Variants in KAZN observed in about 807,000 individuals in gnomAD.
KAZN encodes kazrin, periplakin interacting protein.
KAZN carries 40 observed loss-of-function variants against 87.4 expected under a neutral mutation model. That is an observed-to-expected ratio of 0.46 (90% CI 0.36 to 0.60). The LOEUF (loss-of-function observed/expected upper bound fraction) is 0.60. Ranked by LOEUF, KAZN falls within the 20% of genes least tolerant of loss-of-function variation. The pLI is 0.00. For synonymous variants in KAZN, 466 were observed against 458.3 expected, an observed-to-expected ratio of 1.02 and a Z score of -0.22; for missense variants, 898 against 1,073.9, an observed-to-expected ratio of 0.84 and a Z score of 2.29.
At chr1:14,029,834 A>C (rs1416261271) in intron 1 of KAZN, among the ~76,000 whole-genome samples, 1 of 151,992 alleles carries the variant, frequency 6.6e-6, no homozygotes, top group African/African-American at 2.4e-5. Context: ...ATTGATCTAT[A>C]TCTCTGTTTT....
At chr1:14,165,936 C>CT (rs1645815284) in intron 1 of KAZN, among the ~76,000 whole-genome samples, 1 of 152,164 alleles carries the variant, frequency 6.6e-6, no homozygotes, top group South Asian at 2.1e-4. Flanking sequence ...GTACTGAGTA[C>CT]TTTCCAGCAG....
At chr1:13,945,548 T>A (rs1641108092) in intron 1 of KAZN, among the ~76,000 whole-genome samples, 1 of 151,762 alleles carries the variant, frequency 6.6e-6, no homozygotes, top group Non-Finnish European at 1.5e-5. Context: ...TCTGTGCACT[T>A]TGCTAATATC....
At position 14,359,506 on chromosome 1, in the gene KAZN, A is replaced by G. The variant is rs569050349; in HGVS notation, c.249+178914A>G. On this transcript the variant is annotated intron_variant, in intron 2 of 16. Coordinates refer to the KAZN transcript ENST00000636203. ...ACACTAGCTGGTTATTTTGCCCATTAGTTGATGCAGTTTCTTCCTAGCATC... is the reference window on the plus strand; with the variant it reads ...ACACTAGCTGGTTATTTTGCCCATTGGTTGATGCAGTTTCTTCCTAGCATC... Among the ~76,000 whole-genome samples, 26 of 152,298 alleles carry G rather than the reference A, an allele frequency of 1.7e-4. No homozygotes were observed. In the East Asian group the frequency reaches 4.4e-3, roughly 26 times the overall value.
intron 8 of KAZN, among the ~76,000 whole-genome samples, chr1:15,091,501 C>A (rs115322886): frequency 1.4e-4 from 21 of 152,274 alleles, no homozygotes; most frequent in Admixed American, 1.1e-3. Flanking sequence ...TGTGCTACCA[C>A]GCCCACGCCG....
At chr1:14,539,221 T>C (rs1447230448) in intron 2 of KAZN, among the ~76,000 whole-genome samples, 1 of 152,196 alleles carries the variant, frequency 6.6e-6, no homozygotes, top group African/African-American at 2.4e-5. Context: ...AAGAATTACA[T>C]AAGTCCCATT....
At chr1:14,637,071 C>G (rs1680047186) in intron 1 of KAZN, among the ~76,000 whole-genome samples, 1 of 152,142 alleles carries the variant, frequency 6.6e-6, no homozygotes, top group Non-Finnish European at 1.5e-5. Flanking sequence ...GAGCCCAGGG[C>G]CCCTTTTCTG....
At chr1:13,927,547 C>A (rs1640330690) in intron 1 of KAZN, among the ~76,000 whole-genome samples, 1 of 152,090 alleles carries the variant, frequency 6.6e-6, no homozygotes, top group Non-Finnish European at 1.5e-5. Flanking sequence ...CCCAACTTCA[C>A]TTTTATCCAC....
intron 2 of KAZN, among the ~76,000 whole-genome samples, chr1:14,326,665 T>G (rs1176008597): frequency 6.6e-6 from 1 of 152,186 alleles, no homozygotes; most frequent in Non-Finnish European, 1.5e-5. Flanking sequence ...CTCTCTCCTC[T>G]TTCCACTCCC....
chr1:14,727,450 CTTTTTTTTTTTTTTTTTT>C (rs57203868), intron 1 of KAZN, among the ~76,000 whole-genome samples: 20 of 73,912 alleles, frequency 2.7e-4, no homozygotes, highest in Admixed American at 3.7e-4. Flanking sequence ...TGTGCACTTT[CTTTTTTTTTTTTTTTTTT>C]TTTTTTTTTT....
intron 1 of KAZN, among the ~76,000 whole-genome samples, chr1:14,859,523 G>A (rs1572667498): frequency 6.6e-6 from 1 of 152,156 alleles, no homozygotes; most frequent in East Asian, 1.9e-4. Context: ...TGGAGGGGAG[G>A]TATAGATCTC....
chr1:14,694,981 C>T (rs1361103893), intron 1 of KAZN, among the ~76,000 whole-genome samples: 1 of 152,160 alleles, frequency 6.6e-6, no homozygotes, highest in Non-Finnish European at 1.5e-5. Context: ...CACATTTAAG[C>T]TGGGAATTGG....
intron 1 of KAZN, among the ~76,000 whole-genome samples, chr1:14,761,783 T>G (rs1283806979): frequency 1.3e-5 from 2 of 152,178 alleles, no homozygotes; most frequent in Non-Finnish European, 2.9e-5. Context: ...ACCTCCATTT[T>G]CAAGGCTAAA....
intron 1 of KAZN, among the ~76,000 whole-genome samples, chr1:14,842,767 A>C (rs542120365): frequency 2.0e-5 from 3 of 152,232 alleles, no homozygotes; most frequent in Non-Finnish European, 2.9e-5. Flanking sequence ...TTTTACTTTT[A>C]TTAAAGTAAT....
intron 1 of KAZN, among the ~76,000 whole-genome samples, chr1:14,114,133 C>A (rs979306428): frequency 6.6e-6 from 1 of 152,194 alleles, no homozygotes; most frequent in South Asian, 2.1e-4. Context: ...CCAGCCATGG[C>A]GGTGGCAGAG....
intron 1 of KAZN, among the ~76,000 whole-genome samples, chr1:13,964,097 A>T (rs1372160288): frequency 2.6e-5 from 4 of 152,190 alleles, no homozygotes; most frequent in African/African-American, 7.2e-5. Flanking sequence ...TCCATTTTTT[A>T]AAATTGTCTT....
At chr1:14,290,486 C>T (rs116837706) in intron 2 of KAZN, among the ~76,000 whole-genome samples, 1,985 of 152,268 alleles carry the variant, frequency 0.013, 48 homozygotes, top group African/African-American at 0.046. Flanking sequence ...GAAGCTTGTG[C>T]GTGCCTCATG....
intron 2 of KAZN, among the ~76,000 whole-genome samples, chr1:14,568,399 T>C (rs1674664768): frequency 6.6e-6 from 1 of 152,112 alleles, no homozygotes; most frequent in Non-Finnish European, 1.5e-5. Flanking sequence ...GGGTAATTTA[T>C]AAAGAAAAAG....
At chr1:15,093,865 G>A (rs1023551845) in intron 8 of KAZN, among the ~76,000 whole-genome samples, 2 of 152,162 alleles carry the variant, frequency 1.3e-5, no homozygotes, top group African/African-American at 2.4e-5. Context: ...CCCAGTTCCC[G>A]GCTTGACTTT....
At chr1:15,023,508 A>G (rs1377830462) in intron 2 of KAZN, among the ~76,000 whole-genome samples, 1 of 152,096 alleles carries the variant, frequency 6.6e-6, no homozygotes, top group East Asian at 1.9e-4. Context: ...ATGGACAGCC[A>G]GGAGGCCAGG....
Sources: allele counts gnomAD v4.1 joint callset (sites outside exome capture counted in the v4.1 genomes callset), GRCh38; gene constraint gnomAD v4.1.1; transcripts MANE v1.5; gene names NCBI Gene and HGNC (gene_info 2026-07-23, HGNC 2026-07-21).